The following NKIRAS1 variants were observed in gnomAD, a reference collection of about 807,000 sequenced individuals.
The protein encoded by NKIRAS1 is NF-kappa-B inhibitor-interacting Ras-like protein 1.
In NKIRAS1, 16 loss-of-function variants were observed where a neutral mutation model predicts 19.8. The observed-to-expected ratio is 0.81, with a 90% CI of 0.55 to 1.23. The LOEUF is 1.23. NKIRAS1 is among the 50% of genes most tolerant of loss of function. NKIRAS1 has a pLI of 0.00. For missense variants in NKIRAS1, 184 were observed against 220.0 expected (o/e 0.84, Z 1.04); for synonymous variants, 88 against 79.0 (o/e 1.11, Z -0.61).
At chr3:23,910,493 G>T (rs775221735) in intron 3 of NKIRAS1, among the ~76,000 whole-genome samples, 2 of 152,116 alleles carry the variant, frequency 1.3e-5, no homozygotes, top group Non-Finnish European at 2.9e-5. Context: ...TCTATGATTT[G>T]TAATGTAATG....
intron 1 of NKIRAS1, among the ~76,000 whole-genome samples, chr3:23,928,132 A>T (rs1197469517): frequency 6.6e-6 from 1 of 151,014 alleles, no homozygotes; most frequent in East Asian, 1.9e-4. Flanking sequence ...ACACACATAC[A>T]CACACACACA....
At chr3:23,906,186 G>A (rs1277203144) in intron 3 of NKIRAS1, among the ~76,000 whole-genome samples, 1 of 151,064 alleles carries the variant, frequency 6.6e-6, no homozygotes, top group Non-Finnish European at 1.5e-5. Flanking sequence ...AAACCAAAGG[G>A]AGAAACAAAG....
chr3:23,918,194 A>G (rs2125252189), upstream of NKIRAS1: 1 of 1,002,048 alleles, frequency 1.0e-6, no homozygotes, highest in South Asian at 1.7e-5. Flanking sequence ...TGTTGTCTAA[A>G]GTGGCAAGTG....
At chr3:23,921,858 A>C, upstream of NKIRAS1, 1 of 498,174 alleles carries the variant, frequency 2.0e-6, no homozygotes, top group Non-Finnish European at 3.5e-6. Context: ...TACAGGCGTG[A>C]GCCACCACCC....
chr3:23,919,711 T>C, upstream of NKIRAS1: 1 of 1,376,192 alleles, frequency 7.3e-7, no homozygotes, highest in South Asian at 1.8e-5. Flanking sequence ...CTTTGCTTTA[T>C]CTTATTAGGG....
rs904762667 is a variant in NKIRAS1, at chr3:23,890,097, GACTTC to G, written c.*2993_*2997del. ...AGTGTTGCACTGCAACAGCCCCGAA[GACTTC>G]ACAGTATTCACAATGCCGTTAACTG... On this transcript the variant is annotated 3_prime_UTR_variant, in exon 5 of 5. Coordinates refer to ENST00000425478, the MANE Select transcript of NKIRAS1 (RefSeq NM_020345.4). Among the ~76,000 whole-genome samples the G allele has an allele frequency of 5.9e-5, 9 of 152,142 alleles. No homozygotes were observed. The highest frequency in any genetic ancestry group is 1.3e-4 in the Admixed American group (2 of 15,280).
At chr3:23,893,960 T>C (rs1269041722) in intron 4 of NKIRAS1, among the ~76,000 whole-genome samples, 2 of 144,338 alleles carry the variant, frequency 1.4e-5, no homozygotes, top group African/African-American at 5.1e-5. Context: ...CTACACTTGA[T>C]GTATGAGAGA....
At chr3:23,932,885 G>A (rs1201263248) in intron 1 of NKIRAS1, among the ~76,000 whole-genome samples, 2 of 152,058 alleles carry the variant, frequency 1.3e-5, no homozygotes, top group Non-Finnish European at 2.9e-5. Context: ...CACTCCATAT[G>A]TATTTGTGGG....
Position 23,890,494 on chromosome 3 carries a change from A to C in NKIRAS1, c.*2601T>G. Reference sequence around the variant, plus strand: ...TTTTCCTTTCTCCAAAGTAATCTACATTCTTTTCTTCCAGCCGACCCCTTG... The same window carrying C: ...TTTTCCTTTCTCCAAAGTAATCTACCTTCTTTTCTTCCAGCCGACCCCTTG... On this transcript the variant is annotated 3_prime_UTR_variant, in exon 5 of 5. Coordinates refer to ENST00000425478, the MANE Select transcript of NKIRAS1 (RefSeq NM_020345.4). The C allele has an allele frequency of 1.9e-6, 3 of 1,608,254 alleles. No individual in the cohort carries two copies. The highest frequency in any genetic ancestry group is 2.5e-6 in the Non-Finnish European group (3 of 1,177,714).
chr3:23,892,792 C>T lies in NKIRAS1; in HGVS notation c.*303G>A, dbSNP rs921556556. 16 of 191,490 alleles carry T rather than the reference C, an allele frequency of 8.4e-5. No individual in the cohort carries two copies. Among genetic ancestry groups the T allele is most frequent in the Non-Finnish European group, 3.2e-5 (3 of 93,956 alleles). 11.9% of individuals were successfully genotyped at this position (191,490 alleles called of 1,614,324 possible). ...GTTGGGGGGAAGTTACACATAGGTG[C>T]ATTTGCATAACTATCCAAACTATTT... On this transcript the variant is annotated 3_prime_UTR_variant, in exon 5 of 5. Coordinates refer to ENST00000425478, the MANE Select transcript of NKIRAS1 (RefSeq NM_020345.4).
rs1270507605 is a variant in NKIRAS1 at position 23,891,766 on chromosome 3, A to AGAC, written c.*1326_*1328dup. On this transcript the variant is annotated 3_prime_UTR_variant, in exon 5 of 5. Coordinates refer to ENST00000425478, the MANE Select transcript of NKIRAS1 (RefSeq NM_020345.4). ...AATTGGTAACTGTTTGTACTAATAT[A>AGAC]GACTAAGTTGCATTAGTAGGAAACA... is the stretch of plus-strand genomic sequence containing the variant. 4 of 152,254 alleles carry AGAC rather than the reference A, an allele frequency of 2.6e-5. No homozygotes were observed. Among genetic ancestry groups the AGAC allele is most frequent in the African/African-American group, 9.6e-5 (4 of 41,452 alleles). 9.4% of individuals were successfully genotyped at this position (152,254 alleles called of 1,614,324 possible).
rs1480314654 is a variant in NKIRAS1 at position 23,926,344 on chromosome 3, G to T, written c.-139-14894C>A. ...TGGGATTATAGGTATGAGCCATGGC[G>T]CCCGGCCATAGTACTGACTTAGACC... is the stretch of plus-strand genomic sequence containing the variant. On this transcript the variant is annotated intron_variant, in intron 1 of 4. Transcript: ENST00000421515. The surrounding 1 kb of genome is among the most constrained non-coding windows in gnomAD (Gnocchi z 4.3). Among the ~76,000 whole-genome samples, 1 of 152,160 alleles carries T rather than the reference G, an allele frequency of 6.6e-6. No homozygotes were observed. The highest frequency in any genetic ancestry group is 1.9e-4 in the East Asian group (1 of 5,202).
chr3:23,898,088 T>C (rs916729694), intron 4 of NKIRAS1, among the ~76,000 whole-genome samples: 16 of 152,058 alleles, frequency 1.1e-4, no homozygotes, highest in African/African-American at 3.9e-4. Context: ...CTTTCAACTT[T>C]TGTGGGGCAG....
At chr3:23,946,177 G>C in intron 1 of NKIRAS1, 1 of 985,352 alleles carries the variant, frequency 1.0e-6, no homozygotes, top group Middle Eastern at 5.2e-4. Flanking sequence ...CGCGCCCGCT[G>C]AGCCCCCGCG....
intron 4 of NKIRAS1, among the ~76,000 whole-genome samples, chr3:23,900,319 G>A (rs527756606): frequency 1.3e-5 from 2 of 152,018 alleles, no homozygotes; most frequent in Non-Finnish European, 2.9e-5. Context: ...AATTCAGTCA[G>A]ACCTGTATTT....
upstream of NKIRAS1, chr3:23,919,303 T>G: frequency 6.2e-7 from 1 of 1,606,442 alleles, no homozygotes. Flanking sequence ...ATCCATTCCA[T>G]AAAGCTATCA....
At chr3:23,925,265 G>A (rs1010460889) in intron 1 of NKIRAS1, among the ~76,000 whole-genome samples, 2 of 152,150 alleles carry the variant, frequency 1.3e-5, no homozygotes, top group African/African-American at 4.8e-5. Context: ...AGGAACCAGC[G>A]CAGTCCACAC....
At position 23,916,810 on chromosome 3, in the gene NKIRAS1, A is replaced by G. The variant is rs1421524860; in HGVS notation, c.-166T>C. ...TGTTCTCTCCTCAGACCTCAAAGAC[A>G]GCGGCTCCACCGCGGTACGCGGCCA... On this transcript the variant is annotated 5_prime_UTR_variant, in exon 1 of 5. Transcript: ENST00000425478. 6.5e-6 allele frequency: 1 copy of G among 152,762 alleles called. No homozygotes were observed. The highest frequency in any genetic ancestry group is 2.4e-5 in the African/African-American group (1 of 41,472). 9.5% of individuals were successfully genotyped at this position (152,762 alleles called of 1,614,324 possible). A position where few individuals can be genotyped will look rare whatever the true frequency, so the allele number is the denominator to read the frequency against.
chr3:23,934,898 A>G (rs1178951569), intron 1 of NKIRAS1, among the ~76,000 whole-genome samples: 1 of 152,136 alleles, frequency 6.6e-6, no homozygotes, highest in Admixed American at 6.5e-5. Flanking sequence ...AATCTATAGA[A>G]GATTGCTTAA....
Sources: allele counts gnomAD v4.1 joint callset (sites outside exome capture counted in the v4.1 genomes callset), GRCh38; gene constraint gnomAD v4.1.1; non-coding constraint Gnocchi (gnomAD v3.1); transcripts MANE v1.5; gene names NCBI Gene and HGNC (gene_info 2026-07-23, HGNC 2026-07-21).